The following PTPRB variants were observed in gnomAD, a reference collection of about 807,000 sequenced individuals.
The protein encoded by PTPRB is receptor-type tyrosine-protein phosphatase beta.
PTPRB carries 97 observed loss-of-function variants against 238.1 expected under a neutral mutation model. The ratio of observed to expected loss-of-function variants is 0.41; its 90% CI spans 0.35 to 0.48. The LOEUF is 0.48. Among genes scored for constraint, PTPRB ranks in the 20% least tolerant of loss-of-function variants. The pLI, the probability that PTPRB is intolerant of heterozygous loss-of-function variation, is 0.30. For synonymous variants in PTPRB, 970 were observed against 995.4 expected (o/e 0.97, Z 0.48); for missense variants, 2,292 against 2,681.9 (o/e 0.85, Z 3.21).
In PTPRB at chr12:70,521,942, A is replaced by G. The variant is rs575691814; in HGVS notation, c.6626-431T>C. ...TCAAAACAAGACAAAGGAACCTCCA[A>G]GATCCCTCAGAACTTGCTCATACTG... On this transcript the variant is annotated intron_variant, in intron 33 of 33. Coordinates refer to ENST00000334414, the MANE Select transcript of PTPRB (RefSeq NM_001109754.4). Among the ~76,000 whole-genome samples the G allele has an allele frequency of 5.3e-5, 8 of 152,360 alleles. No homozygotes were observed. In the East Asian group the frequency reaches 5.8e-4, roughly 11 times the overall value.
chr12:70,581,020 T>C lies in PTPRB; in HGVS notation c.2578+16A>G, dbSNP rs377757895. The C allele has an allele frequency of 1.9e-6, 3 of 1,610,894 alleles. No individual in the cohort carries two copies. Among genetic ancestry groups the C allele is most frequent in the Non-Finnish European group, 2.5e-6 (3 of 1,178,132 alleles). ...AGATCTTAGTTAAGTCACAGACACATATCTCTACTTCTTACCTGTTCTTCC... is the reference window on the plus strand; with the variant it reads ...AGATCTTAGTTAAGTCACAGACACACATCTCTACTTCTTACCTGTTCTTCC... On this transcript the variant is annotated intron_variant, in intron 10 of 33. Coordinates refer to ENST00000334414, the MANE Select transcript of PTPRB (RefSeq NM_001109754.4).
intron 4 of PTPRB, among the ~76,000 whole-genome samples, chr12:70,600,822 AG>A (rs1384865638): frequency 6.6e-6 from 1 of 152,066 alleles, no homozygotes; most frequent in African/African-American, 2.4e-5. Flanking sequence ...CAGCCTCATG[AG>A]TAGCCAGGAC....
intron 21 of PTPRB, among the ~76,000 whole-genome samples, chr12:70,546,197 C>T (rs905169812): frequency 3.3e-5 from 5 of 151,828 alleles, no homozygotes; most frequent in African/African-American, 9.7e-5. Flanking sequence ...GGGATATACT[C>T]GATTTAGAGG....
Position 70,559,505 on chromosome 12 carries a change from T to C in PTPRB, c.4552A>G (p.Arg1518Gly), listed in dbSNP as rs199666344. 161 of 1,614,020 alleles carry C rather than the reference T, an allele frequency of 1.0e-4. 2 individuals are homozygous for C. Among genetic ancestry groups the C allele is most frequent in the Non-Finnish European group, 1.3e-4 (152 of 1,179,888 alleles). ...GGGTTGAAGACAGTAAGTGCATCTC[T>C]GGGCAACCACTGCAGCTCAAAGTCG... ...YNDFELQWLP[R>G]DALTVFNPYN... is the part of the protein sequence containing the mutation. Residue 1518 changes from arginine (R) to glycine (G), a missense_variant, in exon 18 of 34, where the codon AGA becomes GGA. By Grantham distance (125) the Arg-to-Gly change is moderately radical (BLOSUM62 -2). Coordinates refer to ENST00000334414, the MANE Select transcript of PTPRB (RefSeq NM_001109754.4).
chr12:70,606,772 A>G (rs1220758564), intron 4 of PTPRB, among the ~76,000 whole-genome samples: 2 of 152,250 alleles, frequency 1.3e-5, no homozygotes, highest in Non-Finnish European at 2.9e-5. Context: ...AAATGTAGAA[A>G]GAACTACTGA....
chr12:70,523,681 C>T (rs1397855039), intron 33 of PTPRB, among the ~76,000 whole-genome samples: 10 of 152,178 alleles, frequency 6.6e-5, no homozygotes, highest in Non-Finnish European at 1.3e-4. Context: ...CCTACCCTCC[C>T]TCTCTTCCCC....
At chr12:70,529,523 T>C (rs1410155514) in intron 32 of PTPRB, among the ~76,000 whole-genome samples, 2 of 152,212 alleles carry the variant, frequency 1.3e-5, no homozygotes, top group African/African-American at 4.8e-5. Context: ...AATTGTAGGA[T>C]ATTTGTTCAT....
At chr12:70,541,112 T>A (rs1875028720) in intron 22 of PTPRB, 155 bp from the exon 23 acceptor site, 1 of 645,660 alleles carries the variant, frequency 1.5e-6, no homozygotes, top group Non-Finnish European at 2.7e-6. Context: ...CCAAAGGCTC[T>A]GAGTATGCAC....
intron 27 of PTPRB, 88 bp downstream of exon 27, chr12:70,538,836 A>ATATT (rs1555222586): frequency 9.5e-7 from 1 of 1,048,526 alleles, no homozygotes; most frequent in African/African-American, 1.6e-5. Flanking sequence ...GAGCTATATT[A>ATATT]TATTTCTTTA....
At chr12:70,602,159 T>G (rs1195506255) in intron 4 of PTPRB, among the ~76,000 whole-genome samples, 1 of 152,180 alleles carries the variant, frequency 6.6e-6, no homozygotes, top group Admixed American at 6.5e-5. Flanking sequence ...CTGGCTTACT[T>G]TAAAGATGAT....
intron 32 of PTPRB, chr12:70,527,770 A>AGAAAAATAATACAAGGGGTCC (rs1872630079): frequency 6.6e-6 from 1 of 152,218 alleles, no homozygotes; most frequent in African/African-American, 2.4e-5. Flanking sequence ...CCATGGACCC[A>AGAAAAATAATACAAGGGGTCC]GAAAAATAAT....
At chr12:70,569,195 C>T (rs1203187179) in intron 14 of PTPRB, among the ~76,000 whole-genome samples, 1 of 152,078 alleles carries the variant, frequency 6.6e-6, no homozygotes, top group African/African-American at 2.4e-5. Context: ...CTTGACCTCC[C>T]GGGCTCAGGT....
chr12:70,536,119 G>A lies in PTPRB; in HGVS notation c.5987C>T (p.Pro1996Leu), dbSNP rs1343514929. ...GAAGTCATCCTTGGTGCCAGGAAGC[G>A]GTCCCTGAGTGACAATGTATTCTCT... ...FRREYIVTQG[P>L]LPGTKDDFWK... Residue 1996 changes from proline (P) to leucine (L), a missense_variant, in exon 29 of 34, where the codon CCG becomes CTG. Pro to Leu is a moderately conservative substitution (Grantham distance 98). Transcript: ENST00000334414. 5 of 1,613,780 alleles carry A rather than the reference G, an allele frequency of 3.1e-6. No individual in the cohort carries two copies. The highest frequency in any genetic ancestry group is 3.4e-6 in the Non-Finnish European group (4 of 1,179,792).
chr12:70,605,818 C>G (rs1566004983), intron 4 of PTPRB, among the ~76,000 whole-genome samples: 2 of 152,124 alleles, frequency 1.3e-5, no homozygotes, highest in African/African-American at 2.4e-5. Flanking sequence ...TATTTAGACA[C>G]CTAGCTATCT....
rs542246425 is a variant in PTPRB, at chr12:70,548,105, T to C, written c.5388-3442A>G. Among the ~76,000 whole-genome samples, 3 of 152,196 alleles carry C rather than the reference T, an allele frequency of 2.0e-5. No individual in the cohort carries two copies. In the South Asian group the frequency reaches 6.2e-4, roughly 32 times the overall value. ...AATTTGGGAGGCCAAGGCAGGCAGATCACATGAGGCCAAGAATTTGAGGCC... is the reference window on the plus strand; with the variant it reads ...AATTTGGGAGGCCAAGGCAGGCAGACCACATGAGGCCAAGAATTTGAGGCC... On this transcript the variant is annotated intron_variant, in intron 21 of 33. Coordinates refer to ENST00000334414, the MANE Select transcript of PTPRB (RefSeq NM_001109754.4).
At chr12:70,613,357 C>A (rs1171768891) in intron 3 of PTPRB, among the ~76,000 whole-genome samples, 6 of 152,110 alleles carry the variant, frequency 3.9e-5, no homozygotes, top group Non-Finnish European at 8.8e-5. Context: ...CGAACACTGA[C>A]TAGCCACCTA....
At chr12:70,609,423 C>G in intron 3 of PTPRB, 84 bp from the exon 4 acceptor site, 2 of 1,493,252 alleles carry the variant, frequency 1.3e-6, no homozygotes, top group African/African-American at 1.4e-5. Context: ...TCAAGCCACA[C>G]TTTCTCCTCT....
intron 10 of PTPRB, among the ~76,000 whole-genome samples, chr12:70,580,774 C>T (rs1324882464): frequency 6.6e-6 from 1 of 151,280 alleles, no homozygotes; most frequent in Non-Finnish European, 1.5e-5. Context: ...GCCGAGATCA[C>T]GCCATCGCAC....
Position 70,560,813 on chromosome 12 carries a change from A to G in PTPRB, c.4290T>C (p.Asn1430=). 1 of 1,613,938 alleles carries G rather than the reference A, an allele frequency of 6.2e-7. No individual in the cohort carries two copies. The highest frequency in any genetic ancestry group is 8.5e-7 in the Non-Finnish European group (1 of 1,179,888). Residue 1430 remains asparagine (N), a synonymous_variant, in exon 17 of 34, where the codon AAT becomes AAC. Transcript: ENST00000334414. This position sits in a 1 kb window ranked among gnomAD's most constrained non-coding sequence, Gnocchi z 4.2. ...CTTTCCAGTTTTCCTTCTTTGTGCC[A>G]TTGGGATTATAGAGAATCAGCTCAT... ...DFYELILYNP[N]GTKKENWKDK...
Sources: gnomAD v4.1 joint callset for allele counts (sites outside exome capture counted in the v4.1 genomes callset) on GRCh38, gnomAD v4.1.1 for gene constraint, Gnocchi (gnomAD v3.1) non-coding constraint, MANE v1.5 for transcripts, NCBI Gene and HGNC (gene_info 2026-07-23, HGNC 2026-07-21) for gene names.